ASAH2: variants seen among roughly 807,000 people sequenced by gnomAD.
ASAH2 encodes the protein neutral ceramidase.
ASAH2 carries 58 observed loss-of-function variants against 82.9 expected under a neutral mutation model. That is an observed-to-expected ratio of 0.70 (90% confidence interval 0.57 to 0.87). ASAH2 has a LOEUF of 0.87. Ranked by LOEUF, ASAH2 falls within the 40% of genes least tolerant of loss-of-function variation. The pLI is 0.00. For synonymous variants in ASAH2, 276 were observed against 289.7 expected, an observed-to-expected ratio of 0.95 and a Z score of 0.48; for missense variants, 779 against 834.0, an observed-to-expected ratio of 0.93 and a Z score of 0.81.
chr10:50,199,777 C>T (rs1264791491), intron 16 of ASAH2, among the ~76,000 whole-genome samples: 3 of 151,326 alleles, frequency 2.0e-5, no homozygotes, highest in African/African-American at 7.3e-5. Context: ...CTCCTCTCTC[C>T]CTCATCCTGT....
At chr10:50,235,845 A>G in intron 5 of ASAH2, 43 bp downstream of exon 5, 1 of 1,595,900 alleles carries the variant, frequency 6.3e-7, no homozygotes, top group African/African-American at 1.3e-5. Flanking sequence ...AAATACCTGT[A>G]AGCAATGGTA....
At position 50,187,118 on chromosome 10, in the gene ASAH2, T is replaced by TCACACA. The variant is rs1171385681; in HGVS notation, c.*191_*196dup. 2.0e-3 allele frequency: 322 copies of TCACACA among 157,314 alleles called. 2 individuals are homozygous for TCACACA. Among genetic ancestry groups the TCACACA allele is most frequent in the Middle Eastern group, 0.012 (5 of 422 alleles). The allele number at this position is 157,314 out of a possible 1,614,324, so 9.7% of individuals were successfully genotyped here. On this transcript the variant is annotated 3_prime_UTR_variant, in exon 21 of 21. Transcript: ENST00000682911. The stretch of plus-strand genomic sequence containing the variant: ...CTCTCTCTCTCTCTCTCTCTCTCTC[T>TCACACA]CACACACACACACACACACACACAC...
chr10:50,199,299 A>C (rs1275274706), intron 16 of ASAH2, among the ~76,000 whole-genome samples, 153 bp from the exon 17 acceptor site: 2 of 151,970 alleles, frequency 1.3e-5, no homozygotes, highest in African/African-American at 2.4e-5. Context: ...GAGGATGGGC[A>C]TTTCCATTTA....
chr10:50,200,956 G>A (rs564611343), intron 16 of ASAH2, among the ~76,000 whole-genome samples: 252 of 151,636 alleles, frequency 1.7e-3, no homozygotes, highest in African/African-American at 4.6e-3. Flanking sequence ...TGTTCACTAC[G>A]CCCCCCTATC....
In ASAH2 at chr10:50,234,566, AAG is replaced by A. The variant is rs746212964; in HGVS notation, c.688-16_688-15del. ...TATGTCAATGCTCTGAAGGTTAAAA[AAG>A]AGGGGGATGTTATAAGCTTAGAAAT... On this transcript the variant is annotated splice_polypyrimidine_tract_variant and intron_variant, in intron 5 of 20. Transcript: ENST00000682911. 1.9e-6 allele frequency: 3 copies of A among 1,612,630 alleles called. No homozygotes were observed. The highest frequency in any genetic ancestry group is 2.5e-6 in the Non-Finnish European group (3 of 1,178,850).
chr10:50,235,742 T>C, intron 5 of ASAH2, 146 bp downstream of exon 5: 1 of 859,458 alleles, frequency 1.2e-6, no homozygotes, highest in Admixed American at 2.1e-5. Context: ...GAAGCTAAGA[T>C]AGAGTCAGGG....
At chr10:50,217,562 A>C (rs1430282467) in intron 8 of ASAH2, among the ~76,000 whole-genome samples, 1 of 152,084 alleles carries the variant, frequency 6.6e-6, no homozygotes, top group Non-Finnish European at 1.5e-5. Flanking sequence ...ATTTATGTGC[A>C]ATATTCTGAG....
chr10:50,238,730 C>A (rs1846221134), intron 4 of ASAH2, among the ~76,000 whole-genome samples: 3 of 152,152 alleles, frequency 2.0e-5, no homozygotes, highest in African/African-American at 7.2e-5. Context: ...TCCTAAAGAA[C>A]TGTGACATTA....
intron 8 of ASAH2, among the ~76,000 whole-genome samples, chr10:50,217,734 G>A (rs1383979469): frequency 1.3e-5 from 2 of 152,136 alleles, no homozygotes; most frequent in Admixed American, 6.6e-5. Context: ...CTAAGACAGA[G>A]CTAAATGATC....
At chr10:50,242,322 C>T (rs572124348) in intron 4 of ASAH2, among the ~76,000 whole-genome samples, 1 of 152,126 alleles carries the variant, frequency 6.6e-6, no homozygotes, top group Non-Finnish European at 1.5e-5. Flanking sequence ...TAAAGTGATG[C>T]TTTTAGGCCA....
chr10:50,224,525 T>G (rs940584989), intron 7 of ASAH2, among the ~76,000 whole-genome samples: 5 of 152,164 alleles, frequency 3.3e-5, no homozygotes, highest in Non-Finnish European at 7.3e-5. Context: ...TGCCCTCTTG[T>G]GACAGAGACG....
At position 50,245,336 on chromosome 10, in the gene ASAH2, A is replaced by C. The variant is rs1431961734; in HGVS notation, c.246T>G (p.Thr82=). Residue 82 remains threonine, a synonymous_variant, in exon 3 of 21, where the codon ACT becomes ACG. Coordinates refer to ENST00000682911, the MANE Select transcript of ASAH2 (RefSeq NM_019893.4). The part of the protein sequence containing the change: ...HSTATQSSTA[T]QTSPVPLTPE... ...GGGTTAAAGGCACTGGAGAAGTTTGAGTGGCTGTGGAGCTCTGGGTGGCTG... is the reference window on the plus strand; with the variant it reads ...GGGTTAAAGGCACTGGAGAAGTTTGCGTGGCTGTGGAGCTCTGGGTGGCTG... 1 of 1,613,772 alleles carries C rather than the reference A, an allele frequency of 6.2e-7. No individual in the cohort carries two copies. Among genetic ancestry groups the C allele is most frequent in the Admixed American group, 1.7e-5 (1 of 59,970 alleles).
chr10:50,211,218 G>T, intron 10 of ASAH2, 84 bp from the exon 11 acceptor site: 1 of 1,068,196 alleles, frequency 9.4e-7, no homozygotes, highest in Non-Finnish European at 1.4e-6. Context: ...CCAATTTGAT[G>T]CAATTTGGAA....
intron 1 of ASAH2, among the ~76,000 whole-genome samples, 125 bp downstream of exon 1, chr10:50,251,270 C>G (rs1456709022): frequency 2.0e-5 from 3 of 152,094 alleles, no homozygotes; most frequent in African/African-American, 7.2e-5. Flanking sequence ...AACAATTTGG[C>G]AAAAGAGGGT....
rs1170958287 is a variant in ASAH2, at chr10:50,185,178, T to C, written c.*2137A>G. The C allele has an allele frequency of 6.6e-6, 1 of 151,150 alleles. No individual in the cohort carries two copies. Among genetic ancestry groups the C allele is most frequent in the Non-Finnish European group, 1.5e-5 (1 of 67,688 alleles). The allele number at this position is 151,150 out of a possible 1,614,324, so 9.4% of individuals were successfully genotyped here. On this transcript the variant is annotated 3_prime_UTR_variant, in exon 21 of 21. Coordinates refer to ENST00000682911, the MANE Select transcript of ASAH2 (RefSeq NM_019893.4). Reference sequence around the variant, plus strand: ...TCCCTGCAGCATCCACAGACATGAATTGGATCTGTGTTTTTATATCAACAG... The same window carrying C: ...TCCCTGCAGCATCCACAGACATGAACTGGATCTGTGTTTTTATATCAACAG...
intron 1 of ASAH2, among the ~76,000 whole-genome samples, chr10:50,251,151 T>C (rs1334250245): frequency 2.0e-5 from 3 of 152,230 alleles, no homozygotes; most frequent in Non-Finnish European, 4.4e-5. Flanking sequence ...ACACTTAATC[T>C]GTAATAATCC....
intron 8 of ASAH2, among the ~76,000 whole-genome samples, chr10:50,215,198 T>C (rs1032181993): frequency 2.6e-5 from 4 of 152,210 alleles, no homozygotes; most frequent in African/African-American, 9.6e-5. Context: ...TTTATGGTTT[T>C]GGGTCTTACG....
intron 7 of ASAH2, among the ~76,000 whole-genome samples, chr10:50,219,680 C>T (rs1265051178): frequency 2.6e-5 from 4 of 152,224 alleles, no homozygotes; most frequent in African/African-American, 4.8e-5. Flanking sequence ...AACTAAGCAT[C>T]TATTTAATGG....
chr10:50,249,551 C>T (rs1846561775), intron 1 of ASAH2, among the ~76,000 whole-genome samples: 1 of 152,056 alleles, frequency 6.6e-6, no homozygotes, highest in African/African-American at 2.4e-5. Context: ...GAAATCCTCC[C>T]CCAATACTGA....
Sources: gnomAD v4.1 joint callset for allele counts (sites outside exome capture counted in the v4.1 genomes callset) on GRCh38, gnomAD v4.1.1 for gene constraint, MANE v1.5 for transcripts, NCBI Gene and HGNC (gene_info 2026-07-23, HGNC 2026-07-21) for gene names.